The following MTMR10 variants were observed in gnomAD, a reference collection of about 807,000 sequenced individuals.
MTMR10 encodes myotubularin-related protein 10.
Under a neutral mutation model 88.1 loss-of-function variants are expected in MTMR10, and 56 were observed. That is an observed-to-expected ratio of 0.64 (90% CI 0.51 to 0.79). MTMR10 has a LOEUF of 0.79. MTMR10 is among the 30% of genes least tolerant of loss of function. The probability of loss-of-function intolerance (pLI) is 0.00; values close to 1 mark genes in which losing one functional copy is unlikely to be tolerated. For synonymous variants in MTMR10, 380 were observed against 340.9 expected (o/e 1.11, Z -1.26); for missense variants, 883 against 924.7 (o/e 0.95, Z 0.58).
chr15:30,922,498 CAACCCCAAA>C, the MTMR10 span: 1 of 886,212 alleles, frequency 1.1e-6, no homozygotes, highest in Non-Finnish European at 1.7e-6. Context: ...TGTGTTCTTC[CAACCCCAAA>C]AGAATACCAG....
intron 2 of MTMR10, among the ~76,000 whole-genome samples, chr15:30,982,148 G>A (rs1229780134): frequency 6.6e-6 from 1 of 152,000 alleles, no homozygotes; most frequent in East Asian, 1.9e-4. Flanking sequence ...CTTGAAAGAT[G>A]AGATGAAAAA....
intron 5 of MTMR10, among the ~76,000 whole-genome samples, chr15:30,971,780 C>T (rs144446105): frequency 1.1e-4 from 16 of 152,236 alleles, no homozygotes; most frequent in African/African-American, 2.6e-4. Flanking sequence ...TTCTAAGTTG[C>T]TATGAGGTTA....
chr15:30,963,979 A>T (rs1370290609), intron 6 of MTMR10, among the ~76,000 whole-genome samples: 1 of 152,156 alleles, frequency 6.6e-6, no homozygotes, highest in African/African-American at 2.4e-5. Flanking sequence ...GTAAGTGCAG[A>T]AAAACATATG....
intron 2 of MTMR10, among the ~76,000 whole-genome samples, chr15:30,980,922 T>C (rs754943615): frequency 6.6e-6 from 1 of 152,090 alleles, no homozygotes; most frequent in Non-Finnish European, 1.5e-5. Context: ...GACTGAATAA[T>C]AAATAAATAA....
chr15:30,919,378 C>CA, the MTMR10 span, among the ~76,000 whole-genome samples: 1,101 of 75,032 alleles, frequency 0.015, 15 homozygotes, highest in African/African-American at 0.033. Flanking sequence ...AACTCCGTCT[C>CA]AAAAAAAAAA....
intron 6 of MTMR10, among the ~76,000 whole-genome samples, chr15:30,963,068 T>G (rs1473054263): frequency 6.6e-6 from 1 of 152,168 alleles, no homozygotes; most frequent in Non-Finnish European, 1.5e-5. Flanking sequence ...CTAGTATGTT[T>G]CCCAAAAACG....
At chr15:30,921,934 CTG>C in the MTMR10 span, among the ~76,000 whole-genome samples, 10 of 152,166 alleles carry the variant, frequency 6.6e-5, no homozygotes, top group African/African-American at 1.9e-4. Context: ...GAACTTGACC[CTG>C]TGCGACTCTG....
the MTMR10 span, chr15:30,920,517 A>T: frequency 7.2e-7 from 1 of 1,390,598 alleles, no homozygotes; most frequent in Non-Finnish European, 1.0e-6. Flanking sequence ...CCAAATTATT[A>T]AACTACTGGT....
chr15:30,953,463 G>A, intron 11 of MTMR10, 99 bp downstream of exon 11: 1 of 856,264 alleles, frequency 1.2e-6, no homozygotes, highest in Non-Finnish European at 1.8e-6. Flanking sequence ...TGGATGAAGA[G>A]TAAGTACATG....
downstream of MTMR10, among the ~76,000 whole-genome samples, chr15:30,935,437 T>C (rs1044691840): frequency 6.6e-6 from 1 of 152,190 alleles, no homozygotes; most frequent in African/African-American, 2.4e-5. Flanking sequence ...CTGAAAGTAT[T>C]TGGAAAAAAG....
the MTMR10 span, chr15:30,929,496 G>A: frequency 1.4e-6 from 1 of 711,110 alleles, no homozygotes; most frequent in Non-Finnish European, 2.3e-6. Context: ...GTGTGTATAT[G>A]TAAATACATG....
chr15:30,941,355 C>T lies in MTMR10; in HGVS notation c.*115G>A. On this transcript the variant is annotated 3_prime_UTR_variant, in exon 16 of 16. Transcript: ENST00000435680. ...TGTTTTTAAATATTAGTGCAAATTC[C>T]AACTATTATTCTTACATATAAAGTT... is the stretch of plus-strand genomic sequence containing the variant. 2 of 1,536,574 alleles carry T rather than the reference C, an allele frequency of 1.3e-6. No individual in the cohort carries two copies. The highest frequency in any genetic ancestry group is 1.7e-6 in the Non-Finnish European group (2 of 1,144,554).
chr15:30,966,409 A>C (rs2141033147), intron 6 of MTMR10, among the ~76,000 whole-genome samples: 1 of 152,360 alleles, frequency 6.6e-6, no homozygotes, highest in East Asian at 1.9e-4. Flanking sequence ...GCTGAGCCCA[A>C]GTCACTACAT....
the MTMR10 span, chr15:30,920,690 T>C: frequency 1.6e-6 from 2 of 1,213,824 alleles, no homozygotes; most frequent in Middle Eastern, 1.9e-4. Context: ...CCATTACTGA[T>C]GTGATGGCGT....
At chr15:30,960,344 T>C (rs1331133769) in intron 7 of MTMR10, among the ~76,000 whole-genome samples, 1 of 152,194 alleles carries the variant, frequency 6.6e-6, no homozygotes, top group Non-Finnish European at 1.5e-5. Flanking sequence ...AATGAAACAT[T>C]CTTGCCAAAA....
Position 30,941,477 on chromosome 15 carries a change from T to TA in MTMR10, c.2326_2327insT (p.Glu776ValfsTer5). On this transcript the variant is annotated frameshift_variant, in exon 16 of 16. Coordinates refer to ENST00000435680, the MANE Select transcript of MTMR10 (RefSeq NM_017762.3). LOFTEE classifies it high-confidence loss of function. ...TTCAGAAAACACCCTATTTTAGTCT[T>TA]CATTTGCTAATGTCTCAGTAGACAA... 6.2e-7 allele frequency: 1 copy of TA among 1,604,014 alleles called. No individual in the cohort carries two copies. Among genetic ancestry groups the TA allele is most frequent in the Non-Finnish European group, 8.5e-7 (1 of 1,174,690 alleles).
At chr15:30,938,628 G>A (rs1410439510), downstream of MTMR10, among the ~76,000 whole-genome samples, 3 of 152,126 alleles carry the variant, frequency 2.0e-5, no homozygotes, top group Admixed American at 6.5e-5. Flanking sequence ...CGCCAGGCCC[G>A]GGAGTCAGGG....
the MTMR10 span, chr15:30,930,431 T>C: frequency 2.2e-5 from 27 of 1,253,048 alleles, no homozygotes; most frequent in East Asian, 1.6e-4. Context: ...CTGGGGTCCA[T>C]GTGCACTGAA....
downstream of MTMR10, among the ~76,000 whole-genome samples, chr15:30,937,981 C>T (rs1254085021): frequency 8.6e-5 from 13 of 151,444 alleles, no homozygotes; most frequent in Admixed American, 7.2e-4. Context: ...GTCAAGAGAT[C>T]GAGACCATCC....
Sources: allele counts gnomAD v4.1 joint callset (sites outside exome capture counted in the v4.1 genomes callset), GRCh38; gene constraint gnomAD v4.1.1; transcripts MANE v1.5; gene names NCBI Gene and HGNC (gene_info 2026-07-23, HGNC 2026-07-21).